HDAC9: variants seen among roughly 807,000 people sequenced by gnomAD.
HDAC9 encodes MEF-2 interacting transcription repressor (MITR) protein.
HDAC9 carries 41 observed loss-of-function variants against 139.4 expected under a neutral mutation model. That is an observed-to-expected ratio of 0.29 (90% CI 0.23 to 0.38). The LOEUF (loss-of-function observed/expected upper bound fraction) is 0.38. Among genes scored for constraint, HDAC9 ranks in the 10% least tolerant of loss-of-function variants. HDAC9 has a pLI of 1.00. For missense variants in HDAC9, 1,147 were observed against 1,297.0 expected, an observed-to-expected ratio of 0.88 and a Z score of 1.78; for synonymous variants, 517 against 476.2, an observed-to-expected ratio of 1.09 and a Z score of -1.12.
At chr7:18,866,885 A>C (rs146650699) in intron 21 of HDAC9, among the ~76,000 whole-genome samples, 254 of 152,334 alleles carry the variant, frequency 1.7e-3, no homozygotes, top group African/African-American at 5.8e-3. Flanking sequence ...CACTTGACTC[A>C]ATGTCAGTGC....
chr7:18,851,209 C>A (rs944965199), intron 21 of HDAC9, among the ~76,000 whole-genome samples: 4 of 152,150 alleles, frequency 2.6e-5, no homozygotes, highest in Non-Finnish European at 5.9e-5. Context: ...GGTGCTGATA[C>A]GGTTTGGCTC....
chr7:18,558,614 A>G (rs1172485658), intron 2 of HDAC9, among the ~76,000 whole-genome samples: 2 of 152,200 alleles, frequency 1.3e-5, no homozygotes, highest in Admixed American at 6.5e-5. Context: ...TGGGTTTTGT[A>G]GGATACCACC....
At chr7:18,279,796 C>G (rs1796985873) in intron 2 of HDAC9, among the ~76,000 whole-genome samples, 2 of 151,730 alleles carry the variant, frequency 1.3e-5, no homozygotes. Flanking sequence ...ACAAATATTG[C>G]CTAGAAACTA....
chr7:18,442,349 A>G (rs1791864571), intron 1 of HDAC9, among the ~76,000 whole-genome samples: 1 of 152,112 alleles, frequency 6.6e-6, no homozygotes, highest in Non-Finnish European at 1.5e-5. Context: ...TAGCCTTAAG[A>G]TTCATATTAA....
chr7:18,888,286 G>A (rs1291561815), intron 22 of HDAC9, among the ~76,000 whole-genome samples: 4 of 152,254 alleles, frequency 2.6e-5, no homozygotes, highest in East Asian at 1.9e-4. Context: ...TTAGCCAGGC[G>A]TGGTGGCGGG....
intron 1 of HDAC9, among the ~76,000 whole-genome samples, chr7:18,309,809 T>A (rs1317490110): frequency 6.6e-6 from 1 of 152,200 alleles, no homozygotes. Context: ...AAGCTCAAAT[T>A]TACCTACTTC....
chr7:18,214,194 T>C (rs1396003674), intron 2 of HDAC9, among the ~76,000 whole-genome samples: 2 of 152,098 alleles, frequency 1.3e-5, no homozygotes. Context: ...TAGAGTATAA[T>C]TGTTCTAGAA....
At chr7:18,826,515 A>G (rs1735719362) in intron 17 of HDAC9, among the ~76,000 whole-genome samples, 1 of 152,200 alleles carries the variant, frequency 6.6e-6, no homozygotes, top group Non-Finnish European at 1.5e-5. Flanking sequence ...ATCATTTTCA[A>G]CCTAAGATTA....
chr7:18,712,674 A>C (rs927379969), intron 12 of HDAC9, among the ~76,000 whole-genome samples: 9 of 152,202 alleles, frequency 5.9e-5, no homozygotes, highest in Admixed American at 5.9e-4. Context: ...ACATGTTATA[A>C]ATCAAATAAA....
chr7:18,356,253 G>A (rs1167890853), intron 1 of HDAC9, among the ~76,000 whole-genome samples: 5 of 150,614 alleles, frequency 3.3e-5, no homozygotes, highest in Non-Finnish European at 7.4e-5. Flanking sequence ...AACACGTTAG[G>A]TCATACATTT....
chr7:18,829,102 A>G (rs1795672155), intron 17 of HDAC9, 59 bp from the exon 18 acceptor site: 4 of 1,199,998 alleles, frequency 3.3e-6, no homozygotes, highest in East Asian at 4.7e-5. Context: ...GATCCAAGCA[A>G]TCCCTCTCCT....
intron 12 of HDAC9, among the ~76,000 whole-genome samples, chr7:18,678,389 A>C (rs1227342455): frequency 6.6e-6 from 1 of 151,782 alleles, no homozygotes; most frequent in East Asian, 1.9e-4. Flanking sequence ...AGAAAATGTC[A>C]AGTGTTATTT....
rs1563072576 is a variant in HDAC9 at position 18,939,105 on chromosome 7, T to A, written c.2937+3163T>A. ...TATGGTAAATTTGAGTTAGTTATTA[T>A]GATGCCCTAAATACCAGCTTGTCCC... On this transcript the variant is annotated intron_variant, in intron 23 of 25. Coordinates refer to ENST00000686413, the MANE Select transcript of HDAC9 (RefSeq NM_178425.4). Among the ~76,000 whole-genome samples, 4 of 152,378 alleles carry A rather than the reference T, an allele frequency of 2.6e-5. No individual in the cohort carries two copies. In the South Asian group the frequency reaches 8.3e-4, roughly 32 times the overall value.
intron 1 of HDAC9, among the ~76,000 whole-genome samples, chr7:18,329,061 T>C (rs1180321739): frequency 6.6e-6 from 1 of 151,854 alleles, no homozygotes; most frequent in Admixed American, 6.6e-5. Flanking sequence ...AGTTCATTTG[T>C]TTCTTCTAGG....
At chr7:18,485,243 A>G (rs565937498) in intron 1 of HDAC9, among the ~76,000 whole-genome samples, 1 of 152,132 alleles carries the variant, frequency 6.6e-6, no homozygotes, top group African/African-American at 2.4e-5. Context: ...TTCGTTTCTC[A>G]TATTAAAATG....
At chr7:18,944,227 C>T (rs984285470) in intron 23 of HDAC9, among the ~76,000 whole-genome samples, 3 of 152,126 alleles carry the variant, frequency 2.0e-5, no homozygotes, top group Non-Finnish European at 4.4e-5. Flanking sequence ...CAATCTGCTT[C>T]CCTTGTCCTC....
chr7:18,355,854 CA>C lies in HDAC9; in HGVS notation c.-42+65343del, dbSNP rs201760668. Among the ~76,000 whole-genome samples the C allele has an allele frequency of 3.8e-3, 574 of 152,174 alleles. 6 individuals are homozygous for C. Among genetic ancestry groups the C allele is most frequent in the African/African-American group, 0.012 (503 of 41,520 alleles). On this transcript the variant is annotated intron_variant, in intron 1 of 3. Coordinates refer to the HDAC9 transcript ENST00000413509. ...ATTCTAAACTTCTCTGTTTTAAAAA[CA>C]AAAGAGGCCTATCTATAGATAAACA...
intron 1 of HDAC9, among the ~76,000 whole-genome samples, chr7:18,099,366 G>A (rs1485061594): frequency 1.3e-5 from 2 of 152,104 alleles, no homozygotes; most frequent in Non-Finnish European, 2.9e-5. Flanking sequence ...TACTTGGGAG[G>A]CTGAGGCAGG....
At chr7:18,372,586 T>C (rs1784675021) in intron 1 of HDAC9, among the ~76,000 whole-genome samples, 1 of 152,194 alleles carries the variant, frequency 6.6e-6, no homozygotes, top group Admixed American at 6.5e-5. Flanking sequence ...TTAAAATATG[T>C]TGATAGAAGA....
Sources: allele counts gnomAD v4.1 joint callset (sites outside exome capture counted in the v4.1 genomes callset), GRCh38; gene constraint gnomAD v4.1.1; transcripts MANE v1.5; gene names NCBI Gene and HGNC (gene_info 2026-07-23, HGNC 2026-07-21).